The following SLC35F4 variants were observed in gnomAD, a reference collection of about 807,000 sequenced individuals.
SLC35F4 encodes chromosome 14 open reading frame 36.
In SLC35F4, 24 loss-of-function variants were observed where a neutral mutation model predicts 44.2. The observed-to-expected ratio is 0.54, with a 90% CI of 0.39 to 0.76. The LOEUF is 0.76. SLC35F4 is among the 30% of genes least tolerant of loss of function. The pLI is 0.00. For missense variants in SLC35F4, 562 were observed against 586.1 expected, an observed-to-expected ratio of 0.96 and a Z score of 0.42; for synonymous variants, 238 against 223.6, an observed-to-expected ratio of 1.06 and a Z score of -0.57.
intron 1 of SLC35F4, among the ~76,000 whole-genome samples, chr14:57,858,180 G>A (rs1887309629): frequency 6.6e-6 from 1 of 151,984 alleles, no homozygotes. Flanking sequence ...CCATTACTGG[G>A]TATATACCCA....
chr14:57,837,083 AC>A (rs1326667497), intron 1 of SLC35F4, among the ~76,000 whole-genome samples: 11 of 152,210 alleles, frequency 7.2e-5, no homozygotes, highest in Non-Finnish European at 1.2e-4. Context: ...AGAAAATGTT[AC>A]ACTGGTCTTC....
At chr14:57,897,848 C>A (rs1955646) in intron 1 of SLC35F4, among the ~76,000 whole-genome samples, 1 of 151,992 alleles carries the variant, frequency 6.6e-6, no homozygotes, top group African/African-American at 2.4e-5. Context: ...CAAAAATAGG[C>A]TTCTGAATAT....
intron 1 of SLC35F4, among the ~76,000 whole-genome samples, chr14:57,735,373 G>T (rs2140487660): frequency 6.6e-6 from 1 of 152,308 alleles, no homozygotes; most frequent in South Asian, 2.1e-4. Context: ...TCATAATTCT[G>T]CAGGTTGGTG....
intron 1 of SLC35F4, among the ~76,000 whole-genome samples, chr14:57,629,349 G>T (rs2072648146): frequency 6.6e-6 from 1 of 152,100 alleles, no homozygotes; most frequent in South Asian, 2.1e-4. Context: ...TATGAGAAAT[G>T]AAAGGAGAAA....
chr14:57,791,029 C>T (rs2140803275), intron 1 of SLC35F4, among the ~76,000 whole-genome samples: 1 of 152,248 alleles, frequency 6.6e-6, no homozygotes, highest in South Asian at 2.1e-4. Context: ...ACCATAAAAA[C>T]CCTAGAAGAA....
At chr14:57,868,850 T>C (rs1481090769), upstream of SLC35F4, among the ~76,000 whole-genome samples, 7 of 152,150 alleles carry the variant, frequency 4.6e-5, no homozygotes, top group Admixed American at 4.6e-4. Flanking sequence ...ATTTACAAAC[T>C]ATGAGTTGCA....
intron 1 of SLC35F4, among the ~76,000 whole-genome samples, chr14:57,883,201 T>C (rs1332859184): frequency 6.6e-6 from 1 of 152,230 alleles, no homozygotes; most frequent in African/African-American, 2.4e-5. Context: ...ACTACAGATG[T>C]GTGAGAAATA....
At chr14:57,713,946 A>C (rs2075873529) in intron 1 of SLC35F4, among the ~76,000 whole-genome samples, 1 of 152,146 alleles carries the variant, frequency 6.6e-6, no homozygotes, top group South Asian at 2.1e-4. Flanking sequence ...TGCTCAAAAT[A>C]CAGATAACCT....
At chr14:57,583,054 C>CAAAAAGGAAGGATTTTTGT (rs1353114558) in intron 3 of SLC35F4, among the ~76,000 whole-genome samples, 1 of 152,074 alleles carries the variant, frequency 6.6e-6, no homozygotes, top group Admixed American at 6.6e-5. Context: ...AGGAGGCTTC[C>CAAAAAGGAAGGATTTTTGT]AAAAAGGAAG....
intron 1 of SLC35F4, among the ~76,000 whole-genome samples, chr14:57,901,931 G>A (rs1889009281): frequency 6.6e-6 from 1 of 151,996 alleles, no homozygotes; most frequent in African/African-American, 2.4e-5. Flanking sequence ...CCTCCACTCA[G>A]TACTCAGTAC....
intron 1 of SLC35F4, among the ~76,000 whole-genome samples, chr14:57,724,207 C>T (rs1594889589): frequency 6.6e-6 from 1 of 152,158 alleles, no homozygotes; most frequent in African/African-American, 2.4e-5. Flanking sequence ...GTCCAAGCTG[C>T]TCTGCCACTT....
At chr14:57,726,955 C>G (rs2076218809) in intron 1 of SLC35F4, among the ~76,000 whole-genome samples, 1 of 152,210 alleles carries the variant, frequency 6.6e-6, no homozygotes, top group South Asian at 2.1e-4. Flanking sequence ...GGCCTAGCTT[C>G]CCAGCCTACA....
chr14:57,789,137 A>G (rs2077846254), intron 1 of SLC35F4, among the ~76,000 whole-genome samples: 1 of 152,176 alleles, frequency 6.6e-6, no homozygotes. Flanking sequence ...GCAGAAAAGA[A>G]GTAACTAAGA....
intron 1 of SLC35F4, among the ~76,000 whole-genome samples, chr14:57,631,421 G>A (rs373939056): frequency 2.6e-5 from 4 of 152,138 alleles, no homozygotes; most frequent in South Asian, 4.2e-4. Context: ...AGTTTAAGGG[G>A]CATTGTTGAT....
At chr14:57,813,115 T>G (rs552002390) in intron 1 of SLC35F4, among the ~76,000 whole-genome samples, 1 of 152,342 alleles carries the variant, frequency 6.6e-6, no homozygotes, top group South Asian at 2.1e-4. Flanking sequence ...TTACACAGTC[T>G]GTGAGTGTCA....
At chr14:57,687,693 G>A (rs1291039023) in intron 1 of SLC35F4, among the ~76,000 whole-genome samples, 5 of 152,116 alleles carry the variant, frequency 3.3e-5, no homozygotes, top group Non-Finnish European at 7.3e-5. Context: ...CATACACAGA[G>A]GCAGGTGCTG....
At chr14:57,691,297 A>G (rs1276298930) in intron 1 of SLC35F4, among the ~76,000 whole-genome samples, 1 of 152,236 alleles carries the variant, frequency 6.6e-6, no homozygotes, top group Non-Finnish European at 1.5e-5. Flanking sequence ...ATCACACACT[A>G]TAATGGACTG....
At chr14:57,822,169 T>C (rs902138441) in intron 1 of SLC35F4, among the ~76,000 whole-genome samples, 1 of 152,338 alleles carries the variant, frequency 6.6e-6, no homozygotes, top group Middle Eastern at 3.4e-3. Flanking sequence ...CCTGAGAGAC[T>C]TTACCTTTGT....
chr14:57,935,295 A>G (rs984601693), intron 1 of SLC35F4, among the ~76,000 whole-genome samples: 1 of 152,354 alleles, frequency 6.6e-6, no homozygotes. Context: ...GAATGAATGA[A>G]CAGAAACAGG....
Sources: allele counts gnomAD v4.1 joint callset (sites outside exome capture counted in the v4.1 genomes callset), GRCh38; gene constraint gnomAD v4.1.1; transcripts MANE v1.5; gene names NCBI Gene and HGNC (gene_info 2026-07-23, HGNC 2026-07-21).